BCL7C: variants seen among roughly 807,000 people sequenced by gnomAD.
BCL7C encodes BAF chromatin remodeling complex subunit BCL7C.
Under a neutral mutation model 26.2 loss-of-function variants are expected in BCL7C, and 8 were observed. The ratio of observed to expected loss-of-function variants is 0.30; its 90% CI spans 0.18 to 0.55. The LOEUF (loss-of-function observed/expected upper bound fraction) is 0.55. Ranked by LOEUF, BCL7C falls within the 20% of genes least tolerant of loss-of-function variation. The probability of loss-of-function intolerance (pLI) is 0.93; values close to 1 mark genes in which losing one functional copy is unlikely to be tolerated. For synonymous variants in BCL7C, 90 were observed against 116.5 expected, an observed-to-expected ratio of 0.77 and a Z score of 1.47; for missense variants, 262 against 298.5, an observed-to-expected ratio of 0.88 and a Z score of 0.90.
rs567347809 is a variant in BCL7C at position 30,837,614 on chromosome 16, C to T, written c.529-2466G>A. The stretch of plus-strand genomic sequence containing the variant: ...CCACTCACCTCAGCCTCCCCAAGTG[C>T]TGGGATTACAGGCGTGAGCCACTGA... On this transcript the variant is annotated intron_variant, in intron 5 of 5. Coordinates refer to the BCL7C transcript ENST00000380317. Among the ~76,000 whole-genome samples the T allele has an allele frequency of 8.5e-4, 130 of 152,296 alleles. 1 individual carries two copies. Among genetic ancestry groups the T allele is most frequent in the African/African-American group, 3.1e-3 (127 of 41,558 alleles).
intron 5 of BCL7C, among the ~76,000 whole-genome samples, chr16:30,878,858 A>C (rs2054996336): frequency 6.6e-6 from 1 of 152,098 alleles, no homozygotes. Flanking sequence ...AAAAAAAAAA[A>C]ATGTCAAGGG....
downstream of BCL7C, among the ~76,000 whole-genome samples, chr16:30,885,268 C>T (rs2055114876): frequency 6.6e-6 from 1 of 152,176 alleles, no homozygotes; most frequent in Admixed American, 6.6e-5. Flanking sequence ...AGATGCTACA[C>T]TGCAGGTAGC....
exon 6 of BCL7C, chr16:30,833,657 C>G (rs1279857755): frequency 6.6e-6 from 1 of 152,218 alleles, no homozygotes. Context: ...CAACATCACC[C>G]TGGTGACGAC....
At chr16:30,843,710 C>T (rs1322350487) in intron 5 of BCL7C, among the ~76,000 whole-genome samples, 1 of 152,052 alleles carries the variant, frequency 6.6e-6, no homozygotes, top group Non-Finnish European at 1.5e-5. Flanking sequence ...CCTGGACTTG[C>T]TGCAGAGCCT....
downstream of BCL7C, among the ~76,000 whole-genome samples, chr16:30,885,708 T>C (rs1188492317): frequency 1.3e-5 from 2 of 152,052 alleles, no homozygotes; most frequent in Admixed American, 1.3e-4. Flanking sequence ...CTGGCTAATG[T>C]CTGTGGCTTT....
intron 5 of BCL7C, among the ~76,000 whole-genome samples, chr16:30,878,198 A>C (rs763844391): frequency 2.0e-5 from 3 of 148,434 alleles, no homozygotes; most frequent in Non-Finnish European, 4.5e-5. Context: ...CAAAACAAAA[A>C]ATCCCAGGGC....
chr16:30,833,782 TCTA>T (rs1478674457), exon 6 of BCL7C: 1 of 152,204 alleles, frequency 6.6e-6, no homozygotes, highest in Non-Finnish European at 1.5e-5. Flanking sequence ...CCAGGGAGTA[TCTA>T]CTCACTTCAG....
chr16:30,839,321 G>A (rs534475540), intron 5 of BCL7C, among the ~76,000 whole-genome samples: 6 of 152,290 alleles, frequency 3.9e-5, no homozygotes, highest in African/African-American at 1.4e-4. Context: ...CTGTCTTCTC[G>A]CAGGGTCTGG....
chr16:30,866,823 G>A (rs2151375424), intron 5 of BCL7C, among the ~76,000 whole-genome samples: 1 of 152,250 alleles, frequency 6.6e-6, no homozygotes, highest in East Asian at 1.9e-4. Context: ...GGAAGCTGAG[G>A]TGGGAGGATT....
chr16:30,893,827 G>T lies in BCL7C; in HGVS notation c.92+26C>A. On this transcript the variant is annotated intron_variant, in intron 1 of 5. Transcript: ENST00000215115. This position sits in a 1 kb window ranked among gnomAD's most constrained non-coding sequence, Gnocchi z 5.2. ...GGTGCTGGTGGTCCCGCTGTGTCCC[G>T]TCCCTGGCCCCCGAGCAGCGCTCAC... The T allele has an allele frequency of 6.3e-7, 1 of 1,593,758 alleles. No individual in the cohort carries two copies. Among genetic ancestry groups the T allele is most frequent in the Non-Finnish European group, 8.5e-7 (1 of 1,173,960 alleles).
chr16:30,880,313 G>A (rs1415282436), intron 5 of BCL7C, among the ~76,000 whole-genome samples: 2 of 151,614 alleles, frequency 1.3e-5, no homozygotes, highest in Non-Finnish European at 2.9e-5. Flanking sequence ...GTGAGACCCC[G>A]TCTCTGCAAA....
chr16:30,883,001 A>G (rs983203047), downstream of BCL7C, among the ~76,000 whole-genome samples: 3 of 152,140 alleles, frequency 2.0e-5, no homozygotes, highest in Non-Finnish European at 4.4e-5. Context: ...TGGAGATGTG[A>G]TGCAGCCATT....
intron 5 of BCL7C, among the ~76,000 whole-genome samples, chr16:30,842,915 G>A (rs1418635093): frequency 1.3e-5 from 2 of 152,066 alleles, no homozygotes; most frequent in African/African-American, 4.8e-5. Flanking sequence ...CAAAGTGCTG[G>A]GATTACAGGC....
intron 5 of BCL7C, among the ~76,000 whole-genome samples, chr16:30,838,151 T>C (rs1048985474): frequency 1.3e-5 from 2 of 152,214 alleles, no homozygotes; most frequent in African/African-American, 4.8e-5. Flanking sequence ...GCATGGGCTT[T>C]GAAATGGATG....
At position 30,893,326 on chromosome 16, in the gene BCL7C, G is replaced by T; in HGVS notation, c.93-36C>A. The T allele has an allele frequency of 2.5e-6, 4 of 1,577,124 alleles. No homozygotes were observed. Among genetic ancestry groups the T allele is most frequent in the Non-Finnish European group, 3.5e-6 (4 of 1,150,772 alleles). ...GTGGGGGGCTGGGTCAGAGAGGCCT[G>T]AGGGGAGACCCACCCCCCTAGGAGC... On this transcript the variant is annotated intron_variant, in intron 1 of 5. Coordinates refer to ENST00000215115, the MANE Select transcript of BCL7C (RefSeq NM_004765.4). The surrounding 1 kb of genome is among the most constrained non-coding windows in gnomAD (Gnocchi z 5.2).
intron 5 of BCL7C, among the ~76,000 whole-genome samples, chr16:30,850,165 G>A (rs571715100): frequency 7.0e-6 from 1 of 142,588 alleles, no homozygotes; most frequent in African/African-American, 2.6e-5. Context: ...AGCCGAGATC[G>A]CATCACTGCA....
In BCL7C at chr16:30,834,053, C is replaced by G. The variant is rs1309420953; in HGVS notation, c.*895G>C. On this transcript the variant is annotated 3_prime_UTR_variant, in exon 6 of 6. Coordinates refer to the BCL7C transcript ENST00000380317. The surrounding 1 kb of genome is among the most constrained non-coding windows in gnomAD (Gnocchi z 4.3). ...TCACAATGCCTGGTACAGAGTAAACCCTTGATAAATGGGAGGCGTTATTAT... is the reference window on the plus strand; with the variant it reads ...TCACAATGCCTGGTACAGAGTAAACGCTTGATAAATGGGAGGCGTTATTAT... 2 of 152,174 alleles carry G rather than the reference C, an allele frequency of 1.3e-5. No individual in the cohort carries two copies. The highest frequency in any genetic ancestry group is 4.8e-5 in the African/African-American group (2 of 41,434). 9.4% of individuals were successfully genotyped at this position (152,174 alleles called of 1,614,324 possible).
exon 6 of BCL7C, chr16:30,835,077 G>A (rs996329142): frequency 2.6e-6 from 4 of 1,547,500 alleles, no homozygotes; most frequent in Non-Finnish European, 3.5e-6. Context: ...TCCTGGGCAG[G>A]AGCCTCCTGA....
intron 5 of BCL7C, 184 bp downstream of exon 5, chr16:30,888,676 C>T: frequency 1.8e-6 from 1 of 549,988 alleles, no homozygotes; most frequent in East Asian, 3.2e-5. Context: ...TGATCCAGCC[C>T]TCAGCACTTT....
Sources: gnomAD v4.1 joint callset for allele counts (sites outside exome capture counted in the v4.1 genomes callset) on GRCh38, gnomAD v4.1.1 for gene constraint, Gnocchi (gnomAD v3.1) non-coding constraint, MANE v1.5 for transcripts, NCBI Gene and HGNC (gene_info 2026-07-23, HGNC 2026-07-21) for gene names.